Variants in RAD18 observed in about 807,000 individuals in gnomAD.
RAD18 encodes the protein E3 ubiquitin-protein ligase RAD18.
In RAD18, 47 loss-of-function variants were observed where a neutral mutation model predicts 60.4. That is an observed-to-expected ratio of 0.78 (90% CI 0.62 to 0.99). The LOEUF is 0.99. Ranked by LOEUF, RAD18 falls within the 50% of genes least tolerant of loss-of-function variation. The pLI is 0.00. For synonymous variants in RAD18, 225 were observed against 195.5 expected (o/e 1.15, Z -1.26); for missense variants, 640 against 593.3 (o/e 1.08, Z -0.82).
intron 7 of RAD18, 43 bp from the exon 8 acceptor site, chr3:8,913,763 T>C: frequency 7.8e-7 from 1 of 1,279,940 alleles, no homozygotes; most frequent in Non-Finnish European, 1.1e-6. Context: ...TCACATGTCT[T>C]TTTTAATCAC....
intron 7 of RAD18, among the ~76,000 whole-genome samples, chr3:8,931,333 T>C (rs1356648966): frequency 6.6e-6 from 1 of 152,180 alleles, no homozygotes. Flanking sequence ...CATAAAAAAG[T>C]AGACAGCACT....
Position 8,939,665 on chromosome 3 carries a change from A to G in RAD18, c.605-12T>C, listed in dbSNP as rs777996539. 6.3e-6 allele frequency: 10 copies of G among 1,595,236 alleles called. No individual in the cohort carries two copies. Among genetic ancestry groups the G allele is most frequent in the Non-Finnish European group, 5.1e-6 (6 of 1,166,834 alleles). On this transcript the variant is annotated splice_polypyrimidine_tract_variant and intron_variant, in intron 5 of 12. Coordinates refer to ENST00000264926, the MANE Select transcript of RAD18 (RefSeq NM_020165.4). ...AACAGGACAATCCACTGTATTTTTTAAAAAGAAAAAGAGAGACTTTATTAA... is the reference window on the plus strand; with the variant it reads ...AACAGGACAATCCACTGTATTTTTTGAAAAGAAAAAGAGAGACTTTATTAA...
At chr3:8,900,424 T>A (rs924094525) in intron 10 of RAD18, among the ~76,000 whole-genome samples, 55 of 152,342 alleles carry the variant, frequency 3.6e-4, no homozygotes, top group African/African-American at 1.2e-3. Flanking sequence ...CAATCTTTTA[T>A]TTTTGCACAT....
At position 8,963,353 on chromosome 3, in the gene RAD18, C is replaced by T; in HGVS notation, c.33G>A (p.Pro11=). 3 of 1,611,846 alleles carry T rather than the reference C, an allele frequency of 1.9e-6. No individual in the cohort carries two copies. The highest frequency in any genetic ancestry group is 2.5e-6 in the Non-Finnish European group (3 of 1,179,122). ...CACTCACCTTCATGACTGCCAGGCCCGGAGGCCACCGAGACTCGGCCAGGG... is the reference window on the plus strand; with the variant it reads ...CACTCACCTTCATGACTGCCAGGCCTGGAGGCCACCGAGACTCGGCCAGGG... MDSLAESRWP[P]GLAVMKTIDD... The change falls in exon 1 of 13, where the codon CCG becomes CCA. Residue 11 remains proline, a synonymous_variant. Coordinates refer to ENST00000264926, the MANE Select transcript of RAD18 (RefSeq NM_020165.4).
At chr3:8,950,289 C>A (rs1940907569) in intron 2 of RAD18, among the ~76,000 whole-genome samples, 2 of 152,142 alleles carry the variant, frequency 1.3e-5, no homozygotes, top group African/African-American at 4.8e-5. Flanking sequence ...CCCACCTCGG[C>A]CTCCCAGAGG....
At chr3:8,949,144 A>G (rs1423817014) in intron 2 of RAD18, among the ~76,000 whole-genome samples, 1 of 152,216 alleles carries the variant, frequency 6.6e-6, no homozygotes, top group Non-Finnish European at 1.5e-5. Context: ...TATCCTAACA[A>G]TTTAAGCAGG....
At chr3:8,918,413 A>G (rs1940247965) in intron 7 of RAD18, among the ~76,000 whole-genome samples, 1 of 152,164 alleles carries the variant, frequency 6.6e-6, no homozygotes, top group Admixed American at 6.5e-5. Flanking sequence ...CCCCTAAAAC[A>G]GAAATTTAAA....
At chr3:8,890,262 C>T in intron 12 of RAD18, 127 bp downstream of exon 12, 2 of 690,952 alleles carry the variant, frequency 2.9e-6, no homozygotes, top group South Asian at 4.0e-5. Flanking sequence ...AAATCTTTAC[C>T]TTGCATGAGG....
chr3:8,884,358 C>T lies in RAD18; in HGVS notation c.1386-2899G>A, dbSNP rs2125044800. On this transcript the variant is annotated intron_variant, in intron 12 of 12. Transcript: ENST00000264926. The stretch of plus-strand genomic sequence containing the variant: ...GACAATTTTTGCAGTTTTGTTATTG[C>T]TTTTATGGAGCAGAGAATTTCCACC... Among the ~76,000 whole-genome samples, 4 of 152,226 alleles carry T rather than the reference C, an allele frequency of 2.6e-5. No individual in the cohort carries two copies. The Middle Eastern group carries it at 0.014, about 518-fold the overall frequency.
intron 7 of RAD18, among the ~76,000 whole-genome samples, chr3:8,925,173 T>C (rs1940409886): frequency 6.6e-6 from 1 of 151,524 alleles, no homozygotes; most frequent in African/African-American, 2.4e-5. Context: ...GCAAGACTAA[T>C]AAAGAAGAAA....
chr3:8,937,160 A>T (rs947165247), intron 6 of RAD18, among the ~76,000 whole-genome samples: 1 of 152,228 alleles, frequency 6.6e-6, no homozygotes, highest in African/African-American at 2.4e-5. Flanking sequence ...AATTATGGCA[A>T]AATGAAATCT....
Position 8,877,235 on chromosome 3 carries a change from C to G in RAD18, c.*4122G>C, listed in dbSNP as rs892741258. ...AATTTATTTCTCACAGGTATGGAGGCTGGTAAGTCCAAGATCAAGGCACTG... is the reference window on the plus strand; with the variant it reads ...AATTTATTTCTCACAGGTATGGAGGGTGGTAAGTCCAAGATCAAGGCACTG... On this transcript the variant is annotated 3_prime_UTR_variant, in exon 13 of 13. Coordinates refer to ENST00000264926, the MANE Select transcript of RAD18 (RefSeq NM_020165.4). 6.5e-6 allele frequency: 1 copy of G among 154,104 alleles called. No individual in the cohort carries two copies. The highest frequency in any genetic ancestry group is 2.4e-5 in the African/African-American group (1 of 41,452). The allele number at this position is 154,104 out of a possible 1,614,324, so 9.5% of individuals were successfully genotyped here.
chr3:8,913,394 A>C (rs1289050929), intron 8 of RAD18, among the ~76,000 whole-genome samples: 2 of 152,158 alleles, frequency 1.3e-5, no homozygotes, highest in Non-Finnish European at 1.5e-5. Context: ...AAGCTGCCTG[A>C]TGCACAGGCA....
chr3:8,931,476 AACTG>A (rs1940552339), intron 7 of RAD18: 3 of 152,222 alleles, frequency 2.0e-5, no homozygotes, highest in Admixed American at 2.0e-4. Context: ...CACACTAATA[AACTG>A]ACTGCCCTGC....
intron 7 of RAD18, among the ~76,000 whole-genome samples, chr3:8,913,961 A>AAC (rs1201734160): frequency 4.2e-4 from 30 of 71,714 alleles, no homozygotes; most frequent in African/African-American, 1.6e-3. Flanking sequence ...GTATAACCAC[A>AAC]AGAGTCAAGT....
At chr3:8,912,277 G>A (rs374743075) in intron 9 of RAD18, 35 bp downstream of exon 9, 1 of 1,433,060 alleles carries the variant, frequency 7.0e-7, no homozygotes, top group African/African-American at 1.5e-5. Context: ...AGCAACTGAA[G>A]CTCTTTACAA....
At chr3:8,963,148 C>A (rs1941117491) in intron 1 of RAD18, among the ~76,000 whole-genome samples, 187 bp downstream of exon 1, 1 of 152,202 alleles carries the variant, frequency 6.6e-6, no homozygotes, top group Admixed American at 6.5e-5. Context: ...GTCCTTGTCA[C>A]TTATCAGAGG....
chr3:8,886,977 T>C (rs1218413126), intron 12 of RAD18, among the ~76,000 whole-genome samples: 1 of 152,186 alleles, frequency 6.6e-6, no homozygotes, highest in Non-Finnish European at 1.5e-5. Flanking sequence ...AATACCTGTA[T>C]GTTACGTTTC....
chr3:8,940,819 C>T (rs1940734397), intron 5 of RAD18, among the ~76,000 whole-genome samples: 1 of 152,124 alleles, frequency 6.6e-6, no homozygotes, highest in African/African-American at 2.4e-5. Context: ...TAGTGAAGGG[C>T]CAGGTAGAAT....
Sources: gnomAD v4.1 joint callset for allele counts (sites outside exome capture counted in the v4.1 genomes callset) on GRCh38, gnomAD v4.1.1 for gene constraint, MANE v1.5 for transcripts, NCBI Gene and HGNC (gene_info 2026-07-23, HGNC 2026-07-21) for gene names.